The following HDAC2 variants were observed in gnomAD, a reference collection of about 807,000 sequenced individuals.
HDAC2 encodes histone deacetylase 2.
HDAC2 carries 5 observed loss-of-function variants against 68.5 expected under a neutral mutation model. That is an observed-to-expected ratio of 0.07 (90% CI 0.04 to 0.15). The LOEUF is 0.15. Among genes scored for constraint, HDAC2 ranks in the 10% least tolerant of loss-of-function variants. The probability of loss-of-function intolerance (pLI) is 1.00; values close to 1 mark genes in which losing one functional copy is unlikely to be tolerated. For missense variants in HDAC2, 291 were observed against 600.8 expected, an observed-to-expected ratio of 0.48 and a Z score of 5.39; for synonymous variants, 182 against 191.3, an observed-to-expected ratio of 0.95 and a Z score of 0.40.
chr6:113,957,677 A>G (rs1776588997), intron 3 of HDAC2, among the ~76,000 whole-genome samples: 1 of 152,006 alleles, frequency 6.6e-6, no homozygotes, highest in African/African-American at 2.4e-5. Flanking sequence ...TAATAGAGAC[A>G]GGGTTTTGCC....
At chr6:113,959,781 T>G in intron 2 of HDAC2, 125 bp downstream of exon 2, 1 of 595,130 alleles carries the variant, frequency 1.7e-6, no homozygotes, top group Non-Finnish European at 3.0e-6. Context: ...AAAAGAAGTT[T>G]GTTTTCTTCC....
Position 113,937,023 on chromosome 6 carries a change from T to G in HDAC2, c.*4035A>C, listed in dbSNP as rs977590283. 6.6e-6 allele frequency: 1 copy of G among 151,996 alleles called. No individual in the cohort carries two copies. Among genetic ancestry groups the G allele is most frequent in the Non-Finnish European group, 1.5e-5 (1 of 67,996 alleles). 9.4% of individuals were successfully genotyped at this position (151,996 alleles called of 1,614,324 possible). On this transcript the variant is annotated 3_prime_UTR_variant, in exon 14 of 14. Transcript: ENST00000519065. ...AAGAAAAAAAAATAGCAGCTAACCC[T>G]TACTGAGCATTAACTATGTTATTAA...
chr6:113,966,670 C>T (rs1027813545), intron 1 of HDAC2, among the ~76,000 whole-genome samples: 3 of 151,382 alleles, frequency 2.0e-5, no homozygotes, highest in Non-Finnish European at 2.9e-5. Context: ...AACAGACAGA[C>T]TGTCCTAATG....
In HDAC2 at chr6:113,958,680, G is replaced by A; in HGVS notation, c.252C>T (p.Asn84=). 6.3e-7 allele frequency: 1 copy of A among 1,591,482 alleles called. No individual in the cohort carries two copies. Among genetic ancestry groups the A allele is most frequent in the Non-Finnish European group, 8.6e-7 (1 of 1,161,734 alleles). ...GCATCTGCTTACTATACTCAGACAT[G>A]TTATCTGGTCTTATTGACCGTAGAA... is the stretch of plus-strand genomic sequence containing the variant. ...IKFLRSIRPD[N]MSEYSKQMQR... is the part of the protein sequence containing the mutation. The change falls in exon 3 of 14, where the codon AAC becomes AAT. Residue 84 remains asparagine, a synonymous_variant. Transcript: ENST00000519065.
chr6:113,969,910 C>G (rs1246678509), intron 1 of HDAC2: 1 of 152,186 alleles, frequency 6.6e-6, no homozygotes, highest in African/African-American at 2.4e-5. Flanking sequence ...CTCTAAATCC[C>G]CAAAGCAGGG....
intron 1 of HDAC2, chr6:113,969,642 TC>T (rs1582503157): frequency 6.6e-6 from 1 of 152,204 alleles, no homozygotes; most frequent in East Asian, 1.9e-4. Flanking sequence ...CTTTGTGAAA[TC>T]TGTATAACAG....
At chr6:113,956,791 T>C (rs1051220155) in intron 3 of HDAC2, 98 bp from the exon 4 acceptor site, 2 of 816,394 alleles carry the variant, frequency 2.4e-6, no homozygotes, top group Admixed American at 2.0e-5. Flanking sequence ...TTTTGCTTGA[T>C]GCAATCATCA....
chr6:113,953,246 C>T (rs764495826), intron 6 of HDAC2, 31 bp downstream of exon 6: 13 of 1,558,702 alleles, frequency 8.3e-6, no homozygotes, highest in Middle Eastern at 1.7e-4. Context: ...GTTCATCTCA[C>T]AATATTTTTT....
intron 5 of HDAC2, among the ~76,000 whole-genome samples, chr6:113,954,860 T>C (rs13194921): frequency 0.22 from 33,772 of 152,120 alleles, 3,962 homozygotes; most frequent in East Asian, 0.3. Context: ...ATAACTAACA[T>C]TGCGAACATC....
chr6:113,970,863 A>T lies in HDAC2; in HGVS notation c.46T>A (p.Tyr16Asn). The change falls in exon 1 of 14, where the codon TAC becomes AAC. Residue 16 changes from tyrosine to asparagine, a missense_variant. This residue lies in a region of HDAC2 where 154 missense variants were observed against 472.1 expected (regional missense o/e 0.33). Transcript: ENST00000519065. ...CACCGGCCCGGCCGCTCACCGTCGT[A>T]GTAGTAGCAGACTTTTTTTTTGCCG... is the stretch of plus-strand genomic sequence containing the variant. ...GGGKKKVCYY[Y>N]DGDIGNYYYG... is the part of the protein sequence containing the mutation. 6.5e-7 allele frequency: 1 copy of T among 1,542,194 alleles called. No individual in the cohort carries two copies. The highest frequency in any genetic ancestry group is 8.7e-7 in the Non-Finnish European group (1 of 1,146,096).
rs1776468079 is a variant in HDAC2 at position 113,953,409 on chromosome 6, C to T, written c.507G>A (p.Gln169=). The part of the protein sequence containing the change: ...LAILELLKYH[Q]RVLYIDIDIH... ...TATCTATATCAATATATAAGACTCT[C>T]TGATGATACCTGAAAACAAATCCAT... Residue 169 remains glutamine (Q), a synonymous_variant, in exon 6 of 14, where the codon CAG becomes CAA. Transcript: ENST00000519065. 2 of 1,562,716 alleles carry T rather than the reference C, an allele frequency of 1.3e-6. No individual in the cohort carries two copies. Among genetic ancestry groups the T allele is most frequent in the Admixed American group, 1.7e-5 (1 of 57,300 alleles).
rs991917298 is a variant in HDAC2 at position 113,939,523 on chromosome 6, A to G, written c.*1535T>C. 1 of 152,218 alleles carries G rather than the reference A, an allele frequency of 6.6e-6. No individual in the cohort carries two copies. The highest frequency in any genetic ancestry group is 1.9e-4 in the East Asian group (1 of 5,202). 9.4% of individuals were successfully genotyped at this position (152,218 alleles called of 1,614,324 possible). On this transcript the variant is annotated 3_prime_UTR_variant, in exon 14 of 14. Transcript: ENST00000519065. ...TCTATGTTTCACAAACACTAAATAC[A>G]TTTCATTATCCCCCTAACGAAGGGA...
intron 1 of HDAC2, among the ~76,000 whole-genome samples, chr6:113,965,208 C>T (rs1210958650): frequency 1.3e-5 from 2 of 152,190 alleles, no homozygotes; most frequent in African/African-American, 4.8e-5. Flanking sequence ...TCCTTGTCTT[C>T]CTTCCCATTA....
In HDAC2 at chr6:113,970,910, G is replaced by A. The variant is rs1156568074; in HGVS notation, c.-2C>T. The A allele has an allele frequency of 6.5e-7, 1 of 1,549,842 alleles. No homozygotes were observed. Among genetic ancestry groups the A allele is most frequent in the Non-Finnish European group, 8.7e-7 (1 of 1,146,968 alleles). On this transcript the variant is annotated 5_prime_UTR_variant, in exon 1 of 14. Transcript: ENST00000519065. ...GCCGCCTCCTTGACTGTACGCCATG[G>A]GCTCCCCGGCCACCGCCGCCACCGG... is the stretch of plus-strand genomic sequence containing the variant.
At position 113,943,462 on chromosome 6, in the gene HDAC2, C is replaced by T. The variant is rs1297073429; in HGVS notation, c.1267G>A (p.Asp423Asn). 7 of 1,609,542 alleles carry T rather than the reference C, an allele frequency of 4.3e-6. No individual in the cohort carries two copies. In the East Asian group the frequency reaches 6.7e-5, roughly 15 times the overall value. ...KRIACDEEFS[D>N]SEDEGEGGRR... Reference sequence around the variant, plus strand: ...CCTCCTTCTCCTTCATCCTCAGAATCTGAGAATTCTTCATCACAAGCTATC... The same window carrying T: ...CCTCCTTCTCCTTCATCCTCAGAATTTGAGAATTCTTCATCACAAGCTATC... Residue 423 changes from aspartate (D) to asparagine (N), a missense_variant, in exon 12 of 14, where the codon GAT becomes AAT. By Grantham distance (23) the Asp-to-Asn change is conservative (BLOSUM62 1). This residue lies in a region of HDAC2 where 137 missense variants were observed against 128.7 expected (regional missense o/e 1.06). Transcript: ENST00000519065.
chr6:113,952,697 G>A (rs1251973901), intron 6 of HDAC2, among the ~76,000 whole-genome samples: 1 of 152,104 alleles, frequency 6.6e-6, no homozygotes, highest in Non-Finnish European at 1.5e-5. Context: ...TTGACCAGTG[G>A]TTTTCAGAGT....
intron 8 of HDAC2, 112 bp from the exon 9 acceptor site, chr6:113,946,260 A>G: frequency 2.7e-6 from 2 of 754,678 alleles, no homozygotes; most frequent in Admixed American, 2.8e-5. Context: ...TGGGTTTTCT[A>G]AATATTTTAA....
At chr6:113,941,981 T>C (rs761613721) in intron 12 of HDAC2, among the ~76,000 whole-genome samples, 17 of 151,920 alleles carry the variant, frequency 1.1e-4, no homozygotes, top group African/African-American at 4.1e-4. Context: ...GGAGAAAAGG[T>C]GGCCCTAACT....
At position 113,935,991 on chromosome 6, in the gene HDAC2, A is replaced by G. The variant is rs1422929347; in HGVS notation, c.*5067T>C. 1 of 152,234 alleles carries G rather than the reference A, an allele frequency of 6.6e-6. No homozygotes were observed. Among genetic ancestry groups the G allele is most frequent in the East Asian group, 1.9e-4 (1 of 5,202 alleles). The allele number at this position is 152,234 out of a possible 1,614,324, so 9.4% of individuals were successfully genotyped here. A position where few individuals can be genotyped will look rare whatever the true frequency, so the allele number is the denominator to read the frequency against. ...TACTAACTGATTCTTACCACCAGTC[A>G]AAACAGAAAATTATTCTGGCTCTAA... On this transcript the variant is annotated 3_prime_UTR_variant, in exon 14 of 14. Coordinates refer to ENST00000519065, the MANE Select transcript of HDAC2 (RefSeq NM_001527.4).
Sources: gnomAD v4.1 joint callset for allele counts (sites outside exome capture counted in the v4.1 genomes callset) on GRCh38, gnomAD v4.1.1 for gene constraint, gnomAD v4.1.1 regional missense constraint, MANE v1.5 for transcripts, NCBI Gene and HGNC (gene_info 2026-07-23, HGNC 2026-07-21) for gene names.